The following ANXA9 variants were observed in gnomAD, a reference collection of about 807,000 sequenced individuals.
ANXA9 encodes the protein annexin 31.
Under a neutral mutation model 51.8 loss-of-function variants are expected in ANXA9, and 47 were observed. The ratio of observed to expected loss-of-function variants is 0.91; its 90% CI spans 0.72 to 1.16. ANXA9 has a LOEUF of 1.16. Ranked by LOEUF, ANXA9 falls within the 50% of genes most tolerant of loss-of-function variation. The pLI is 0.00. For synonymous variants in ANXA9, 154 were observed against 168.7 expected, an observed-to-expected ratio of 0.91 and a Z score of 0.68; for missense variants, 361 against 424.7, an observed-to-expected ratio of 0.85 and a Z score of 1.32.
At chr1:150,980,306 G>C (rs1671392087), upstream of ANXA9, among the ~76,000 whole-genome samples, 1 of 151,702 alleles carries the variant, frequency 6.6e-6, no homozygotes, top group Non-Finnish European at 1.5e-5. Flanking sequence ...GGAGGCAGGA[G>C]AATCGCTTGA....
upstream of ANXA9, among the ~76,000 whole-genome samples, chr1:150,977,952 A>G (rs1217148461): frequency 6.6e-6 from 1 of 152,060 alleles, no homozygotes; most frequent in Non-Finnish European, 1.5e-5. Flanking sequence ...CCTGCCCAAC[A>G]TGGTGAAACC....
intron 9 of ANXA9, among the ~76,000 whole-genome samples, chr1:150,987,360 GCT>G (rs747093235): frequency 0.089 from 11,205 of 126,444 alleles, 531 homozygotes; most frequent in African/African-American, 0.15. Context: ...CATCTCTCTC[GCT>G]CTCTCTCTCT....
At position 150,984,077 on chromosome 1, in the gene ANXA9, C is replaced by G; in HGVS notation, c.267+8C>G. On this transcript the variant is annotated splice_region_variant and intron_variant, in intron 5 of 13. Transcript: ENST00000368947. ...CAGGAGCGCACCCAACAGGTGAGGC[C>G]ATGCTGACCTCCCACAGCAGTGGAC... 6.2e-7 allele frequency: 1 copy of G among 1,607,682 alleles called. No individual in the cohort carries two copies. Among genetic ancestry groups the G allele is most frequent in the Non-Finnish European group, 8.5e-7 (1 of 1,177,910 alleles).
intron 12 of ANXA9, among the ~76,000 whole-genome samples, chr1:150,993,175 A>C (rs927040739): frequency 6.6e-6 from 1 of 151,958 alleles, no homozygotes; most frequent in Non-Finnish European, 1.5e-5. Context: ...TGATGACAAC[A>C]CTGGTGCACA....
chr1:150,993,201 A>G (rs919842797), intron 12 of ANXA9, among the ~76,000 whole-genome samples: 6 of 152,208 alleles, frequency 3.9e-5, no homozygotes, highest in African/African-American at 1.4e-4. Context: ...AAAAAAACAC[A>G]GGAATTTTAC....
chr1:150,985,855 C>T (rs1671543218), intron 7 of ANXA9, among the ~76,000 whole-genome samples: 2 of 152,206 alleles, frequency 1.3e-5, no homozygotes, highest in African/African-American at 4.8e-5. Context: ...GCATGAGCCA[C>T]CGCCCTGGCC....
chr1:150,983,268 C>T, intron 3 of ANXA9, 70 bp from the exon 4 acceptor site: 1 of 1,598,220 alleles, frequency 6.3e-7, no homozygotes, highest in South Asian at 1.1e-5. Flanking sequence ...GAGGACAGGC[C>T]CTGAGGTTAT....
chr1:150,987,142 A>T (rs1480408495), intron 9 of ANXA9, among the ~76,000 whole-genome samples: 1 of 152,140 alleles, frequency 6.6e-6, no homozygotes, highest in Non-Finnish European at 1.5e-5. Flanking sequence ...CTGAAACAAG[A>T]GGATCACTTG....
chr1:150,991,959 G>T (rs1571695841), intron 12 of ANXA9, among the ~76,000 whole-genome samples: 1 of 152,054 alleles, frequency 6.6e-6, no homozygotes, highest in East Asian at 2.0e-4. Flanking sequence ...TAGAGACAGG[G>T]TTTCACCATG....
upstream of ANXA9, among the ~76,000 whole-genome samples, chr1:150,979,598 C>T (rs1478003186): frequency 6.6e-6 from 1 of 152,188 alleles, no homozygotes; most frequent in Middle Eastern, 3.4e-3. Flanking sequence ...CTGAGACAGC[C>T]CCTTAATATG....
intron 2 of ANXA9, 94 bp from the exon 3 acceptor site, chr1:150,982,996 A>G: frequency 2.4e-6 from 2 of 841,670 alleles, no homozygotes; most frequent in Non-Finnish European, 3.7e-6. Flanking sequence ...GGAACAGGTG[A>G]CTGGAACCCA....
rs150504863 is a variant in ANXA9, at chr1:150,990,572, C to T, written c.852+2231C>T. On this transcript the variant is annotated intron_variant, in intron 12 of 13. Coordinates refer to ENST00000368947, the MANE Select transcript of ANXA9 (RefSeq NM_003568.3). The stretch of plus-strand genomic sequence containing the variant: ...CTAAAAAGGAAAAACTCGGGCTGGG[C>T]GCTGTGGCGCATGCCTGTAATCCCA... Among the ~76,000 whole-genome samples the T allele has an allele frequency of 6.3e-3, 965 of 152,288 alleles. 7 individuals are homozygous for T. The highest frequency in any genetic ancestry group is 0.037 in the South Asian group (177 of 4,824).
At chr1:150,990,573 G>A (rs12078033) in intron 12 of ANXA9, among the ~76,000 whole-genome samples, 11,805 of 152,254 alleles carry the variant, frequency 0.078, 563 homozygotes, top group African/African-American at 0.13. Context: ...CGGGCTGGGC[G>A]CTGTGGCGCA....
intron 12 of ANXA9, 141 bp downstream of exon 12, chr1:150,988,482 C>A: frequency 1.9e-6 from 2 of 1,029,704 alleles, no homozygotes; most frequent in Non-Finnish European, 2.9e-6. Flanking sequence ...CACACCAGGG[C>A]TTACACAGGG....
At chr1:150,986,738 G>T in intron 9 of ANXA9, 77 bp downstream of exon 9, 1 of 1,430,536 alleles carries the variant, frequency 7.0e-7, no homozygotes, top group South Asian at 1.4e-5. Flanking sequence ...TAGAGCCGGT[G>T]ACCTACGTGC....
intron 9 of ANXA9, 127 bp from the exon 10 acceptor site, chr1:150,987,745 T>A: frequency 1.7e-5 from 11 of 657,830 alleles, no homozygotes; most frequent in Non-Finnish European, 2.3e-5. Context: ...AAAAAAAAAA[T>A]CCTTTTCCAC....
chr1:150,988,052 C>T (rs1185206810), intron 10 of ANXA9, 39 bp from the exon 11 acceptor site: 3 of 1,613,330 alleles, frequency 1.9e-6, no homozygotes, highest in Admixed American at 1.7e-5. Flanking sequence ...GATAATTAAT[C>T]CCCCATCCAT....
At chr1:150,985,137 C>T (rs909804665) in intron 7 of ANXA9, among the ~76,000 whole-genome samples, 1 of 151,948 alleles carries the variant, frequency 6.6e-6, no homozygotes, top group Admixed American at 6.6e-5. Flanking sequence ...TGCCACTGCA[C>T]ACCAGCCTGG....
At chr1:150,988,703 T>G (rs1049376058) in intron 12 of ANXA9, among the ~76,000 whole-genome samples, 2 of 152,336 alleles carry the variant, frequency 1.3e-5, no homozygotes, top group South Asian at 4.1e-4. Flanking sequence ...AGGTGCTGAT[T>G]GTGTGCCACA....
Sources: gnomAD v4.1 joint callset for allele counts (sites outside exome capture counted in the v4.1 genomes callset) on GRCh38, gnomAD v4.1.1 for gene constraint, MANE v1.5 for transcripts, NCBI Gene and HGNC (gene_info 2026-07-23, HGNC 2026-07-21) for gene names.